Variants in TUBB8B observed in about 807,000 individuals in gnomAD.
The protein encoded by TUBB8B is HSA18p11 beta-tubulin 4Q pseudogene.
TUBB8B carries 26 observed loss-of-function variants against 31.9 expected under a neutral mutation model. That is an observed-to-expected ratio of 0.81 (90% confidence interval 0.60 to 1.13). The LOEUF (loss-of-function observed/expected upper bound fraction) is 1.13. Ranked by LOEUF, TUBB8B falls within the 50% of genes most tolerant of loss-of-function variation. The pLI is 0.00. For missense variants in TUBB8B, 467 were observed against 586.7 expected (o/e 0.80, Z 2.11); for synonymous variants, 173 against 231.0 (o/e 0.75, Z 2.28).
chr18:64,195 C>T, the TUBB8B span, among the ~76,000 whole-genome samples: 4 of 152,020 alleles, frequency 2.6e-5, no homozygotes, highest in Admixed American at 6.6e-5. Context: ...CTAAGCAAAC[C>T]CTAACACACT....
the TUBB8B span, among the ~76,000 whole-genome samples, chr18:73,031 C>T: frequency 3.3e-5 from 5 of 152,264 alleles, no homozygotes; most frequent in East Asian, 9.7e-4. Context: ...CGACCTCAGG[C>T]TGTGGCGCCT....
rs1162763762 is a variant in TUBB8B, at chr18:47,761, G to A, written c.964C>T (p.Pro322Ser). Residue 322 changes from proline to serine, a missense_variant, in exon 4 of 4, where the codon CCC (proline) becomes TCC (serine). Transcript: ENST00000308911. ...TVAAIFRGRM[P>S]MREVDEQMFN... ...ATTTGTTCATCCACCTCCCTCATGGGCATGCGACCCCTGAAAATGGCAGCC... is the reference window on the plus strand; with the variant it reads ...ATTTGTTCATCCACCTCCCTCATGGACATGCGACCCCTGAAAATGGCAGCC... The A allele has an allele frequency of 1.9e-6, 3 of 1,611,198 alleles. No homozygotes were observed. Among genetic ancestry groups the A allele is most frequent in the Non-Finnish European group, 2.5e-6 (3 of 1,179,174 alleles).
chr18:55,614 G>T, the TUBB8B span, among the ~76,000 whole-genome samples: 2 of 151,646 alleles, frequency 1.3e-5, no homozygotes, highest in Middle Eastern at 3.4e-3. Context: ...GAACAGCCTG[G>T]GGGAAACCAA....
chr18:71,568 TTAAAA>T, the TUBB8B span, among the ~76,000 whole-genome samples: 191 of 78,478 alleles, frequency 2.4e-3, 9 homozygotes, highest in African/African-American at 7.0e-3. Context: ...AAAAAAAAAT[TTAAAA>T]AAAAAAAAAA....
At chr18:72,231 C>T in the TUBB8B span, among the ~76,000 whole-genome samples, 1 of 142,866 alleles carries the variant, frequency 7.0e-6, no homozygotes, top group African/African-American at 2.5e-5. Context: ...CACCACAGGG[C>T]CATACGGGTT....
At chr18:71,135 G>A in the TUBB8B span, among the ~76,000 whole-genome samples, 12 of 152,044 alleles carry the variant, frequency 7.9e-5, no homozygotes, top group African/African-American at 2.9e-4. Flanking sequence ...GGAGGCTGAG[G>A]CAGGAGTATT....
rs1297868619 is a variant in TUBB8B at position 48,416 on chromosome 18, C to T, written c.309G>A (p.Lys103=). The change falls in exon 4 of 4, where the codon AAG becomes AAA. Residue 103 remains lysine, a synonymous_variant. Coordinates refer to ENST00000308911, the MANE Select transcript of TUBB8B (RefSeq NM_001358689.2). ...GCTCCGCGCCTTCTGTGTAGCGTCC[C>T]TTGGCCCAGTTGTTTCCGGCCCCAC... The part of the protein sequence containing the change: ...GQCGAGNNWA[K]GRYTEGAELT... The T allele has an allele frequency of 6.2e-7, 1 of 1,612,028 alleles. No individual in the cohort carries two copies. Among genetic ancestry groups the T allele is most frequent in the Non-Finnish European group, 8.5e-7 (1 of 1,178,350 alleles).
chr18:72,215 A>G, the TUBB8B span, among the ~76,000 whole-genome samples: 1 of 151,158 alleles, frequency 6.6e-6, no homozygotes, highest in Admixed American at 6.6e-5. Flanking sequence ...AAAAGATAAG[A>G]AAAGACACCA....
chr18:71,835 A>G, the TUBB8B span, among the ~76,000 whole-genome samples: 1 of 152,034 alleles, frequency 6.6e-6, no homozygotes, highest in Non-Finnish European at 1.5e-5. Flanking sequence ...GTGAGCTGAG[A>G]TCGCGCCACT....
Position 49,153 on chromosome 18 carries a change from T to TGGGTGGGGGAAGAACG in TUBB8B, c.141_142insCGTTCTTCCCCCACCC (p.Asn48ArgfsTer83), listed in dbSNP as rs777749325. 6.9e-7 allele frequency: 1 copy of TGGGTGGGGGAAGAACG among 1,450,694 alleles called. No homozygotes were observed. Among genetic ancestry groups the TGGGTGGGGGAAGAACG allele is most frequent in the African/African-American group, 1.4e-5 (1 of 69,396 alleles). 89.9% of individuals were successfully genotyped at this position (1,450,694 alleles called of 1,614,324 possible). A position where few individuals can be genotyped will look rare whatever the true frequency, so the allele number is the denominator to read the frequency against. ...CCGCTGGCCTCGTGGTGGTGCACGT[T>TGGGTGGGGGAAGAACG]GATGCGCTCCAGCTGCAGGTGGCTG... On this transcript the variant is annotated frameshift_variant, in exon 2 of 4. Transcript: ENST00000308911. LOFTEE classifies it high-confidence loss of function.
Position 47,548 on chromosome 18 carries a change from C to T in TUBB8B, c.1177G>A (p.Ala393Thr), listed in dbSNP as rs766015109. ...EQFTAMFRRK[A>T]FLHWYTGEGM... ...TCGCCCGTGTACCAGTGGAGGAAGGCCTTGCGCCTGAACATTGCTGTAAAC... is the reference window on the plus strand; with the variant it reads ...TCGCCCGTGTACCAGTGGAGGAAGGTCTTGCGCCTGAACATTGCTGTAAAC... Residue 393 changes from alanine to threonine, a missense_variant, in exon 4 of 4, where the codon GCC becomes ACC. Coordinates refer to ENST00000308911, the MANE Select transcript of TUBB8B (RefSeq NM_001358689.2). The T allele has an allele frequency of 2.1e-5, 34 of 1,610,556 alleles. No homozygotes were observed. Among genetic ancestry groups the T allele is most frequent in the East Asian group, 2.2e-5 (1 of 44,826 alleles).
At chr18:67,919 T>A in the TUBB8B span, among the ~76,000 whole-genome samples, 17 of 152,086 alleles carry the variant, frequency 1.1e-4, no homozygotes, top group African/African-American at 4.1e-4. Context: ...AATACTGATA[T>A]GATGCACACA....
the TUBB8B span, among the ~76,000 whole-genome samples, chr18:63,431 T>A: frequency 5.3e-5 from 8 of 151,656 alleles, no homozygotes; most frequent in Non-Finnish European, 1.0e-4. Flanking sequence ...CCTTTCTTTC[T>A]CTGAAACCAG....
At position 47,841 on chromosome 18, in the gene TUBB8B, T is replaced by G; in HGVS notation, c.884A>C (p.Asp295Ala). The G allele has an allele frequency of 6.2e-7, 1 of 1,611,396 alleles. No individual in the cohort carries two copies. The change falls in exon 4 of 4, where the codon GAT (aspartate) becomes GCT (alanine). Residue 295 changes from aspartate (D) to alanine (A), a missense_variant. Around this residue, in one of 2 missense-constraint regions of TUBB8B, gnomAD observed 208 missense variants for 206.7 expected, o/e 1.01. Transcript: ENST00000308911. The stretch of plus-strand genomic sequence containing the variant: ...ACAGGCAGCCATCATGTTCTTAGCA[T>G]CAAACATCTGCTGGGTGAGCTCAGC... ...TVAELTQQMF[D>A]AKNMMAACDP...
At chr18:49,794 T>C (rs1459795433), upstream of TUBB8B, 2 of 645,352 alleles carry the variant, frequency 3.1e-6, no homozygotes. Context: ...CCCTTCCACG[T>C]TGGGGAAAGC....
chr18:71,246 T>A, the TUBB8B span, among the ~76,000 whole-genome samples: 1 of 130,974 alleles, frequency 7.6e-6, no homozygotes, highest in African/African-American at 3.0e-5. Context: ...AAAAAAAAAA[T>A]CAATCAATAA....
chr18:53,830 A>C (rs1421398839), upstream of TUBB8B, among the ~76,000 whole-genome samples: 1 of 151,892 alleles, frequency 6.6e-6, no homozygotes, highest in Non-Finnish European at 1.5e-5. Flanking sequence ...AGCAAATTCA[A>C]CAGTTCATGG....
chr18:53,225 T>C (rs893275960), upstream of TUBB8B, among the ~76,000 whole-genome samples: 6 of 151,910 alleles, frequency 3.9e-5, no homozygotes, highest in Admixed American at 1.3e-4. Context: ...TTGATAACCA[T>C]GAGTTCCTCT....
rs1226485849 is a variant in TUBB8B at position 49,248 on chromosome 18, C to T, written c.58-11G>A. On this transcript the variant is annotated splice_polypyrimidine_tract_variant and intron_variant, in intron 1 of 3. Transcript: ENST00000308911. ...GATCACCTCCCAGAACTGCAAGAGA[C>T]GGGAGGGGCCAGACAGGCCGGGGCT... 2.1e-5 allele frequency: 32 copies of T among 1,531,310 alleles called. 2 individuals carry two copies. Among genetic ancestry groups the T allele is most frequent in the South Asian group, 9.5e-5 (8 of 83,802 alleles). The allele number at this position is 1,531,310 out of a possible 1,614,324, so 94.9% of individuals were successfully genotyped here. A position where few individuals can be genotyped will look rare whatever the true frequency, so the allele number is the denominator to read the frequency against.
Sources: gnomAD v4.1 joint callset for allele counts (sites outside exome capture counted in the v4.1 genomes callset) on GRCh38, gnomAD v4.1.1 for gene constraint, gnomAD v4.1.1 regional missense constraint, MANE v1.5 for transcripts, NCBI Gene and HGNC (gene_info 2026-07-23, HGNC 2026-07-21) for gene names.